The following TENM3 variants were observed in gnomAD, a reference collection of about 807,000 sequenced individuals.
TENM3 encodes teneurin transmembrane protein 3.
Under a neutral mutation model 255.1 loss-of-function variants are expected in TENM3, and 63 were observed. The observed-to-expected ratio is 0.25, with a 90% CI of 0.20 to 0.30. TENM3 has a LOEUF of 0.30. TENM3 is among the 10% of genes least tolerant of loss of function. The pLI is 1.00. For missense variants in TENM3, 2,929 were observed against 3,461.1 expected (o/e 0.85, Z 3.86); for synonymous variants, 1,306 against 1,322.3 (o/e 0.99, Z 0.27).
chr4:182,224,767 C>T (rs891258698), intron 1 of TENM3, among the ~76,000 whole-genome samples: 1 of 147,598 alleles, frequency 6.8e-6, no homozygotes, highest in Non-Finnish European at 1.5e-5. Context: ...AGTGGAGTCT[C>T]GCTCTATCAC....
chr4:181,819,595 A>G, the TENM3 span, among the ~76,000 whole-genome samples: 6 of 152,090 alleles, frequency 3.9e-5, no homozygotes, highest in Admixed American at 1.3e-4. Context: ...ATGGAAGACA[A>G]TTTTCCACAG....
the TENM3 span, among the ~76,000 whole-genome samples, chr4:181,759,903 A>G: frequency 6.6e-6 from 1 of 152,142 alleles, no homozygotes; most frequent in Non-Finnish European, 1.5e-5. Flanking sequence ...AGCCTTTTAT[A>G]GATAGGAAAC....
the TENM3 span, among the ~76,000 whole-genome samples, chr4:182,051,459 C>G: frequency 4.3e-4 from 64 of 150,236 alleles, no homozygotes; most frequent in Admixed American, 2.2e-3. Flanking sequence ...CTCACTGCAA[C>G]CTCCGCCTCC....
chr4:182,679,544 C>G (rs1755946340), intron 7 of TENM3, 122 bp from the exon 8 acceptor site: 2 of 770,164 alleles, frequency 2.6e-6, no homozygotes, highest in Middle Eastern at 3.8e-4. Flanking sequence ...TTGGACCTGT[C>G]AGGAACTTCT....
At chr4:182,068,944 G>A in the TENM3 span, among the ~76,000 whole-genome samples, 2 of 151,898 alleles carry the variant, frequency 1.3e-5, no homozygotes, top group Non-Finnish European at 2.9e-5. Flanking sequence ...CAAATTAATA[G>A]GTGTTAGATT....
At chr4:181,915,772 T>C in the TENM3 span, among the ~76,000 whole-genome samples, 1 of 151,340 alleles carries the variant, frequency 6.6e-6, no homozygotes, top group East Asian at 2.0e-4. Flanking sequence ...AGGAAGGTGA[T>C]TCAGGGAGCC....
intron 1 of TENM3, among the ~76,000 whole-genome samples, chr4:182,218,344 G>A (rs886562471): frequency 1.3e-5 from 2 of 152,090 alleles, no homozygotes; most frequent in African/African-American, 4.8e-5. Context: ...TATTTTAACA[G>A]GAATTATAAT....
chr4:182,479,780 T>G (rs1488826221), intron 3 of TENM3, among the ~76,000 whole-genome samples: 1 of 152,122 alleles, frequency 6.6e-6, no homozygotes. Context: ...AAGTAAATAT[T>G]TTTGATCTCT....
At chr4:181,983,497 C>G in the TENM3 span, among the ~76,000 whole-genome samples, 1 of 152,136 alleles carries the variant, frequency 6.6e-6, no homozygotes, top group Non-Finnish European at 1.5e-5. Flanking sequence ...GTCTCAGCAA[C>G]AGAAACATGT....
chr4:181,783,145 T>C, the TENM3 span, among the ~76,000 whole-genome samples: 1 of 152,216 alleles, frequency 6.6e-6, no homozygotes, highest in African/African-American at 2.4e-5. Context: ...GTCTGCTTGG[T>C]GCAGAGCTGA....
At chr4:182,590,538 C>CAAAAAAAAAAAA (rs34681777) in intron 3 of TENM3, among the ~76,000 whole-genome samples, 145 of 79,642 alleles carry the variant, frequency 1.8e-3, no homozygotes, top group Non-Finnish European at 2.2e-3. Flanking sequence ...GACCCTGTCT[C>CAAAAAAAAAAAA]AAAAAAAAAA....
chr4:181,619,827 G>A, the TENM3 span, among the ~76,000 whole-genome samples: 1 of 152,284 alleles, frequency 6.6e-6, no homozygotes, highest in Admixed American at 6.5e-5. Flanking sequence ...AGTGAGAGGA[G>A]CCCCAGGCTC....
At chr4:181,962,790 T>C in the TENM3 span, among the ~76,000 whole-genome samples, 1,833 of 152,280 alleles carry the variant, frequency 0.012, 34 homozygotes, top group African/African-American at 0.041. Context: ...GTTCTTAGCG[T>C]CTCAAAATTC....
chr4:181,466,808 G>A, the TENM3 span, among the ~76,000 whole-genome samples: 4 of 151,966 alleles, frequency 2.6e-5, no homozygotes, highest in African/African-American at 9.7e-5. Flanking sequence ...ATAGATTGAA[G>A]TAAAATAGTC....
intron 1 of TENM3, among the ~76,000 whole-genome samples, chr4:182,275,299 CT>C (rs1177052847): frequency 6.6e-6 from 1 of 152,190 alleles, no homozygotes; most frequent in Non-Finnish European, 1.5e-5. Flanking sequence ...GGACTTGCCC[CT>C]GGGCACGTAT....
intron 4 of TENM3, among the ~76,000 whole-genome samples, chr4:182,620,242 G>A (rs975800192): frequency 2.6e-5 from 4 of 152,144 alleles, no homozygotes; most frequent in African/African-American, 7.2e-5. Context: ...CCATATAGCC[G>A]AATTTCAGTA....
At chr4:181,840,884 C>T in the TENM3 span, among the ~76,000 whole-genome samples, 1 of 152,128 alleles carries the variant, frequency 6.6e-6, no homozygotes, top group Non-Finnish European at 1.5e-5. Flanking sequence ...TTGCTGGTTT[C>T]CACTTGCACT....
At chr4:182,364,468 A>G (rs571092150) in intron 3 of TENM3, among the ~76,000 whole-genome samples, 21 of 152,154 alleles carry the variant, frequency 1.4e-4, no homozygotes, top group Middle Eastern at 3.4e-3. Context: ...CCAGGCTGGA[A>G]TGCAGTGGCG....
the TENM3 span, among the ~76,000 whole-genome samples, chr4:181,759,248 G>A: frequency 6.6e-6 from 1 of 152,024 alleles, no homozygotes; most frequent in African/African-American, 2.4e-5. Flanking sequence ...GTTTATTAAA[G>A]GTGTGAGAAT....
Sources: allele counts gnomAD v4.1 joint callset (sites outside exome capture counted in the v4.1 genomes callset), GRCh38; gene constraint gnomAD v4.1.1; transcripts MANE v1.5; gene names NCBI Gene and HGNC (gene_info 2026-07-23, HGNC 2026-07-21).